The following GRM7 variants were observed in gnomAD, a reference collection of about 807,000 sequenced individuals.
The protein encoded by GRM7 is metabotropic glutamate receptor 7.
A neutral mutation model predicts 84.5 loss-of-function variants in GRM7; 35 were observed. That is an observed-to-expected ratio of 0.41 (90% CI 0.32 to 0.55). The LOEUF (loss-of-function observed/expected upper bound fraction) is 0.55. Among genes scored for constraint, GRM7 ranks in the 20% least tolerant of loss-of-function variants. The probability of loss-of-function intolerance (pLI) is 0.19; values close to 1 mark genes in which losing one functional copy is unlikely to be tolerated. For missense variants in GRM7, 1,003 were observed against 1,194.6 expected (o/e 0.84, Z 2.36); for synonymous variants, 487 against 455.1 (o/e 1.07, Z -0.89).
intron 4 of GRM7, among the ~76,000 whole-genome samples, chr3:7,364,546 A>C (rs2125109148): frequency 6.6e-6 from 1 of 151,674 alleles, no homozygotes; most frequent in Non-Finnish European, 1.5e-5. Flanking sequence ...ATTTTCATTT[A>C]GCTTTTTACT....
At chr3:7,010,790 G>A (rs1312091669) in intron 1 of GRM7, among the ~76,000 whole-genome samples, 1 of 152,160 alleles carries the variant, frequency 6.6e-6, no homozygotes. Flanking sequence ...CATCCTCCAA[G>A]GTTCAGTCCC....
chr3:7,434,333 G>A (rs1696953982), intron 5 of GRM7, among the ~76,000 whole-genome samples: 1 of 152,142 alleles, frequency 6.6e-6, no homozygotes, highest in Non-Finnish European at 1.5e-5. Context: ...ACAATATTGA[G>A]TAGAAGTAAT....
chr3:6,868,998 T>G (rs1695027360), intron 1 of GRM7, among the ~76,000 whole-genome samples: 3 of 152,310 alleles, frequency 2.0e-5, no homozygotes, highest in African/African-American at 7.2e-5. Flanking sequence ...CAGTGTAGTC[T>G]TCTACATTAT....
At chr3:7,559,311 A>G (rs918686371) in intron 7 of GRM7, 1 of 152,166 alleles carries the variant, frequency 6.6e-6, no homozygotes, top group African/African-American at 2.4e-5. Flanking sequence ...CTTATTTATC[A>G]CCTGTCAGGT....
At chr3:7,593,868 C>T (rs1695912344) in intron 8 of GRM7, among the ~76,000 whole-genome samples, 1 of 151,786 alleles carries the variant, frequency 6.6e-6, no homozygotes, top group East Asian at 1.9e-4. Flanking sequence ...GTCAGGGAGG[C>T]CAGATAGAAG....
At chr3:7,515,973 T>G (rs768128184) in intron 7 of GRM7, among the ~76,000 whole-genome samples, 1 of 151,450 alleles carries the variant, frequency 6.6e-6, no homozygotes, top group Non-Finnish European at 1.5e-5. Context: ...GGAGACCCTG[T>G]CTCTACAAAA....
chr3:7,441,576 T>C (rs569902000), intron 5 of GRM7, among the ~76,000 whole-genome samples: 2 of 152,170 alleles, frequency 1.3e-5, no homozygotes, highest in African/African-American at 4.8e-5. Context: ...TCTAGAATGA[T>C]ATTTCCAAAT....
At chr3:7,111,166 A>T (rs1219209599) in intron 1 of GRM7, among the ~76,000 whole-genome samples, 1 of 152,086 alleles carries the variant, frequency 6.6e-6, no homozygotes, top group African/African-American at 2.4e-5. Flanking sequence ...ATAGCCCCTC[A>T]CGGAAGGTGC....
chr3:7,705,592 C>CA (rs2125161846), intron 9 of GRM7, among the ~76,000 whole-genome samples: 1 of 152,240 alleles, frequency 6.6e-6, no homozygotes, highest in South Asian at 2.1e-4. Flanking sequence ...TTTGTGTGAA[C>CA]AATGTGTAGG....
chr3:7,492,256 A>G (rs1699547502), intron 7 of GRM7, among the ~76,000 whole-genome samples: 1 of 152,186 alleles, frequency 6.6e-6, no homozygotes, highest in Non-Finnish European at 1.5e-5. Context: ...CCTGTCTTCC[A>G]CTTTCTAAAA....
intron 2 of GRM7, among the ~76,000 whole-genome samples, chr3:7,262,694 T>TGTTG (rs1698477047): frequency 6.7e-6 from 1 of 150,352 alleles, no homozygotes. Flanking sequence ...TTGGTTTGTT[T>TGTTG]GTTGGTTGGT....
chr3:7,330,156 A>G (rs1049475046), intron 4 of GRM7, among the ~76,000 whole-genome samples: 2 of 152,192 alleles, frequency 1.3e-5, no homozygotes, highest in African/African-American at 4.8e-5. Flanking sequence ...TCGTAAAAGC[A>G]CACTTCAGTC....
At chr3:7,658,134 G>A (rs535726042) in intron 8 of GRM7, among the ~76,000 whole-genome samples, 1 of 152,286 alleles carries the variant, frequency 6.6e-6, no homozygotes, top group South Asian at 2.1e-4. Context: ...GGAAGAATGG[G>A]GATGTGTGTA....
chr3:7,721,109 G>A (rs1250632349), intron 9 of GRM7, among the ~76,000 whole-genome samples: 1 of 152,196 alleles, frequency 6.6e-6, no homozygotes, highest in Non-Finnish European at 1.5e-5. Flanking sequence ...ACTGTTTATT[G>A]CATCATCTAG....
At chr3:7,051,719 A>C (rs17046723) in intron 1 of GRM7, among the ~76,000 whole-genome samples, 24,313 of 151,680 alleles carry the variant, frequency 0.16, 3,149 homozygotes, top group African/African-American at 0.36. Flanking sequence ...TGAAGTCAGC[A>C]ACCTAAAATG....
At chr3:7,369,320 C>T (rs566108189) in intron 4 of GRM7, among the ~76,000 whole-genome samples, 24 of 152,218 alleles carry the variant, frequency 1.6e-4, no homozygotes, top group Admixed American at 1.4e-3. Flanking sequence ...CTGATGTTGT[C>T]ACCACGTGTC....
chr3:7,075,846 T>C (rs926014021), intron 1 of GRM7, among the ~76,000 whole-genome samples: 2 of 152,070 alleles, frequency 1.3e-5, no homozygotes, highest in African/African-American at 2.4e-5. Context: ...ATATTTGTCA[T>C]AGGATATTCT....
chr3:6,995,716 A>T (rs1215583034), intron 1 of GRM7, among the ~76,000 whole-genome samples: 2 of 152,158 alleles, frequency 1.3e-5, no homozygotes, highest in Non-Finnish European at 2.9e-5. Context: ...ACATTTAGAA[A>T]TTTTCCCAAA....
At chr3:7,211,427 C>A (rs772789801) in intron 2 of GRM7, among the ~76,000 whole-genome samples, 4 of 152,062 alleles carry the variant, frequency 2.6e-5, no homozygotes, top group Non-Finnish European at 5.9e-5. Context: ...TGATAAACAT[C>A]GGATTTGTTG....
Sources: gnomAD v4.1 joint callset for allele counts (sites outside exome capture counted in the v4.1 genomes callset) on GRCh38, gnomAD v4.1.1 for gene constraint, MANE v1.5 for transcripts, NCBI Gene and HGNC (gene_info 2026-07-23, HGNC 2026-07-21) for gene names.